ACSM1: variants seen among roughly 807,000 people sequenced by gnomAD.
The protein encoded by ACSM1 is acyl-CoA synthetase medium chain family member 1.
In ACSM1, 79 loss-of-function variants were observed where a neutral mutation model predicts 75.8. The observed-to-expected ratio is 1.04, with a 90% CI of 0.87 to 1.26. The LOEUF (loss-of-function observed/expected upper bound fraction) is 1.26. Ranked by LOEUF, ACSM1 falls within the 50% of genes most tolerant of loss-of-function variation. ACSM1 has a pLI of 0.00. For missense variants in ACSM1, 676 were observed against 720.1 expected (o/e 0.94, Z 0.70); for synonymous variants, 279 against 265.8 (o/e 1.05, Z -0.48).
intron 5 of ACSM1, among the ~76,000 whole-genome samples, chr16:20,671,178 C>T (rs2019872444): frequency 6.6e-6 from 1 of 152,108 alleles, no homozygotes; most frequent in Non-Finnish European, 1.5e-5. Flanking sequence ...CTGTCTTTCC[C>T]TACAAAATTA....
At chr16:20,636,435 G>C (rs988609419) in intron 10 of ACSM1, among the ~76,000 whole-genome samples, 8 of 152,124 alleles carry the variant, frequency 5.3e-5, no homozygotes, top group African/African-American at 1.9e-4. Flanking sequence ...ACACTCTGTT[G>C]TTGGTAAGTG....
In ACSM1 at chr16:20,643,481, C is replaced by T. The variant is rs536549877; in HGVS notation, c.993-2897G>A. ...TTACAGCTCTTAAAAGTGGTGTGTCCAGAGTTTGTTCCTCCCAGTGGGTTC... is the reference window on the plus strand; with the variant it reads ...TTACAGCTCTTAAAAGTGGTGTGTCTAGAGTTTGTTCCTCCCAGTGGGTTC... On this transcript the variant is annotated intron_variant, in intron 7 of 13. Transcript: ENST00000520010. Among the ~76,000 whole-genome samples, 3 of 152,234 alleles carry T rather than the reference C, an allele frequency of 2.0e-5. No homozygotes were observed. In the South Asian group the frequency reaches 6.2e-4, roughly 32 times the overall value.
chr16:20,636,998 G>A (rs770069176), intron 9 of ACSM1, 158 bp from the exon 10 acceptor site: 50 of 681,088 alleles, frequency 7.3e-5, no homozygotes, highest in African/African-American at 1.8e-4. Flanking sequence ...TTTAAAATAC[G>A]CAAATGTGAA....
chr16:20,650,319 T>G (rs2018578453), intron 7 of ACSM1, among the ~76,000 whole-genome samples: 1 of 152,070 alleles, frequency 6.6e-6, no homozygotes, highest in Non-Finnish European at 1.5e-5. Flanking sequence ...GTTTTTCTGC[T>G]CCAAAGAGAA....
rs1174747673 is a variant in ACSM1 at position 20,648,626 on chromosome 16, A to G, written c.993-8042T>C. On this transcript the variant is annotated intron_variant, in intron 7 of 13. Coordinates refer to ENST00000520010, the MANE Select transcript of ACSM1 (RefSeq NM_001318890.3). This position sits in a 1 kb window ranked among gnomAD's most constrained non-coding sequence, Gnocchi z 4.2. Reference sequence around the variant, plus strand: ...ATAATTTATTATCTCTGAAGCCTGCACCTGGAAGCTTCATCTGCATAATAA... The same window carrying G: ...ATAATTTATTATCTCTGAAGCCTGCGCCTGGAAGCTTCATCTGCATAATAA... Among the ~76,000 whole-genome samples, 1 of 152,188 alleles carries G rather than the reference A, an allele frequency of 6.6e-6. No homozygotes were observed. The highest frequency in any genetic ancestry group is 1.5e-5 in the Non-Finnish European group (1 of 68,036).
At chr16:20,629,071 T>C (rs2017180817) in intron 10 of ACSM1, among the ~76,000 whole-genome samples, 1 of 152,314 alleles carries the variant, frequency 6.6e-6, no homozygotes, top group Admixed American at 6.5e-5. Flanking sequence ...TGCTTTGAAC[T>C]CTCTGGAAGT....
intron 7 of ACSM1, among the ~76,000 whole-genome samples, chr16:20,641,744 C>G (rs951918302): frequency 3.9e-5 from 6 of 152,184 alleles, no homozygotes; most frequent in Non-Finnish European, 7.3e-5. Context: ...CCCCCACAAC[C>G]TGGTGTTGGG....
At chr16:20,634,593 C>T (rs2017542919) in intron 10 of ACSM1, among the ~76,000 whole-genome samples, 1 of 152,084 alleles carries the variant, frequency 6.6e-6, no homozygotes, top group Admixed American at 6.6e-5. Context: ...AAGCCAAACG[C>T]AAAAGGGCAA....
At chr16:20,637,975 A>T (rs2152212307) in intron 8 of ACSM1, among the ~76,000 whole-genome samples, 1 of 152,168 alleles carries the variant, frequency 6.6e-6, no homozygotes, top group Non-Finnish European at 1.5e-5. Context: ...TGTGAATCTC[A>T]CCCTGCAGGA....
intron 7 of ACSM1, among the ~76,000 whole-genome samples, chr16:20,657,351 C>G (rs912900891): frequency 6.6e-6 from 1 of 151,918 alleles, no homozygotes; most frequent in Non-Finnish European, 1.5e-5. Flanking sequence ...TCTTGTCACC[C>G]AGGCTGGAGT....
intron 4 of ACSM1, chr16:20,674,241 G>A (rs1596916782): frequency 3.3e-6 from 1 of 301,772 alleles, no homozygotes; most frequent in African/African-American, 2.2e-5. Flanking sequence ...TCTGTGGCTA[G>A]TGAGCCTTAT....
chr16:20,657,482 T>C (rs901419158), intron 7 of ACSM1, among the ~76,000 whole-genome samples: 3 of 152,106 alleles, frequency 2.0e-5, no homozygotes, highest in Non-Finnish European at 2.9e-5. Context: ...CTAACTTTTA[T>C]ACTTTTAATA....
chr16:20,626,858 G>C (rs907746436), intron 11 of ACSM1, among the ~76,000 whole-genome samples: 4 of 152,004 alleles, frequency 2.6e-5, no homozygotes, highest in Non-Finnish European at 5.9e-5. Flanking sequence ...CTGCATTAGA[G>C]GGGCACAAAC....
rs147037559 is a variant in ACSM1, at chr16:20,643,719, T to G, written c.993-3135A>C. ...ATTCCCTTATTTGGCCCTGCCCACA[T>G]GCTGCTGATTGCTCCATTTTACAGA... is the stretch of plus-strand genomic sequence containing the variant. On this transcript the variant is annotated intron_variant, in intron 7 of 13. Coordinates refer to ENST00000520010, the MANE Select transcript of ACSM1 (RefSeq NM_001318890.3). 7.5e-3 allele frequency among the ~76,000 whole-genome samples: 1,150 copies of G among 152,356 alleles called. 19 individuals carry two copies. The highest frequency in any genetic ancestry group is 0.027 in the African/African-American group (1,122 of 41,582).
In ACSM1 at chr16:20,627,195, G is replaced by T. The variant is rs752963497; in HGVS notation, c.1421C>A (p.Ala474Asp). Residue 474 changes from alanine to aspartate, a missense_variant, in exon 11 of 14, where the codon GCC becomes GAC. Ala to Asp is a moderately radical substitution (Grantham distance 126). Coordinates refer to ENST00000520010, the MANE Select transcript of ACSM1 (RefSeq NM_001318890.3). ...CAGCATCAGCCACACCTACCCAGAG[G>T]CATTAATGATGTCATCACTCCTCCC... ...FLGRSDDIIN[A>D]SGYRIGPAEV... The T allele has an allele frequency of 1.3e-6, 2 of 1,557,946 alleles. No homozygotes were observed. Among genetic ancestry groups the T allele is most frequent in the Non-Finnish European group, 8.6e-7 (1 of 1,156,192 alleles).
chr16:20,650,484 T>C (rs1367190844), intron 7 of ACSM1, among the ~76,000 whole-genome samples: 1 of 151,978 alleles, frequency 6.6e-6, no homozygotes, highest in Non-Finnish European at 1.5e-5. Flanking sequence ...GAAGTGCATA[T>C]AAAGGCTGAT....
chr16:20,649,214 T>C (rs1297347772), intron 7 of ACSM1, among the ~76,000 whole-genome samples: 1 of 152,062 alleles, frequency 6.6e-6, no homozygotes, highest in Non-Finnish European at 1.5e-5. Flanking sequence ...TTGCCCAAAT[T>C]CCTACCTAAA....
intron 7 of ACSM1, among the ~76,000 whole-genome samples, chr16:20,657,022 T>G (rs908266100): frequency 6.6e-6 from 1 of 152,062 alleles, no homozygotes; most frequent in Non-Finnish European, 1.5e-5. Context: ...TTAAAAAATA[T>G]ATATATTTAC....
chr16:20,670,700 G>A (rs1335239195), intron 5 of ACSM1, among the ~76,000 whole-genome samples: 1 of 152,148 alleles, frequency 6.6e-6, no homozygotes, highest in African/African-American at 2.4e-5. Flanking sequence ...CCAAGTCTCT[G>A]TAGTTCTATG....
Sources: allele counts gnomAD v4.1 joint callset (sites outside exome capture counted in the v4.1 genomes callset), GRCh38; gene constraint gnomAD v4.1.1; non-coding constraint Gnocchi (gnomAD v3.1); transcripts MANE v1.5; gene names NCBI Gene and HGNC (gene_info 2026-07-23, HGNC 2026-07-21).